Variants in HAUS7 observed in about 807,000 individuals in gnomAD.
The protein encoded by HAUS7 is HAUS augmin like complex subunit 7.
Under a neutral mutation model 28.4 loss-of-function variants are expected in HAUS7, and 3 were observed. The observed-to-expected ratio is 0.11, with a 90% CI of 0.05 to 0.27. The LOEUF is 0.27. Among genes scored for constraint, HAUS7 ranks in the 10% least tolerant of loss-of-function variants. The pLI, the probability that HAUS7 is intolerant of heterozygous loss-of-function variation, is 1.00. For missense variants in HAUS7, 284 were observed against 297.3 expected, an observed-to-expected ratio of 0.96 and a Z score of 0.33; for synonymous variants, 165 against 132.1, an observed-to-expected ratio of 1.25 and a Z score of -1.71.
intron 2 of HAUS7, among the ~76,000 whole-genome samples, chrX:153,467,366 C>T (rs2089466377): frequency 8.9e-6 from 1 of 111,756 alleles, no homozygotes; most frequent in African/African-American, 3.3e-5. Flanking sequence ...ACCAAAATGC[C>T]AATCTCAGCA....
At chrX:153,483,129 C>T (rs2089611987) in intron 1 of HAUS7, among the ~76,000 whole-genome samples, 1 of 113,082 alleles carries the variant, frequency 8.8e-6, no homozygotes, top group Admixed American at 9.3e-5. Flanking sequence ...TGAAAATCCA[C>T]CCCTGCCATG....
chrX:153,483,379 G>A, intron 1 of HAUS7: 2 of 755,755 alleles, frequency 2.6e-6, no homozygotes, highest in Non-Finnish European at 3.1e-6. Flanking sequence ...GCCTCAGCGT[G>A]CTGGTGCTCA....
chrX:153,460,116 T>A (rs2089368779), intron 4 of HAUS7, among the ~76,000 whole-genome samples: 1 of 112,608 alleles, frequency 8.9e-6, no homozygotes, highest in African/African-American at 3.2e-5. Context: ...GCAGTCCTGC[T>A]AAGTGCTGCC....
At chrX:153,456,148 C>G (rs1556982085) in intron 7 of HAUS7, 117 bp downstream of exon 7, 2 of 565,859 alleles carry the variant, frequency 3.5e-6, no homozygotes, top group African/African-American at 4.4e-5. Context: ...CCACAGTATT[C>G]TAGAACATGT....
intron 9 of HAUS7, among the ~76,000 whole-genome samples, chrX:153,451,618 G>C (rs1361056684): frequency 8.9e-6 from 1 of 112,208 alleles, no homozygotes; most frequent in Non-Finnish European, 1.9e-5. Context: ...CACTACTTGG[G>C]GGTGCAACAG....
chrX:153,450,911 C>T (rs2089231662), intron 9 of HAUS7, among the ~76,000 whole-genome samples: 1 of 112,362 alleles, frequency 8.9e-6, no homozygotes, highest in South Asian at 3.7e-4. Context: ...AAATAAAGAA[C>T]TGTCCCGAGT....
At chrX:153,456,114 T>A (rs2089304311) in intron 7 of HAUS7, 151 bp downstream of exon 7, 2 of 482,681 alleles carry the variant, frequency 4.1e-6, no homozygotes, top group Non-Finnish European at 3.6e-6. Context: ...GGGACCCACC[T>A]CTCACCTCCC....
chrX:153,470,305 C>T (rs1168965292), intron 1 of HAUS7, 145 bp downstream of exon 1: 25 of 536,036 alleles, frequency 4.7e-5, no homozygotes, highest in Non-Finnish European at 7.1e-5. Context: ...CCACAAGCAC[C>T]CCCTGCTGCA....
chrX:153,493,406 T>TG (rs2089683964), intron 1 of HAUS7, among the ~76,000 whole-genome samples: 1 of 111,776 alleles, frequency 8.9e-6, no homozygotes, highest in Admixed American at 9.4e-5. Flanking sequence ...GAGTTGGCAG[T>TG]GGGGGAGGGA....
chrX:153,478,119 G>A (rs1421026142), intron 1 of HAUS7, among the ~76,000 whole-genome samples: 1 of 112,780 alleles, frequency 8.9e-6, no homozygotes, highest in Admixed American at 9.3e-5. Flanking sequence ...ACGCTGGACA[G>A]GGCTGTAGGA....
At chrX:153,451,655 A>AGCT (rs1171654165) in intron 9 of HAUS7, among the ~76,000 whole-genome samples, 1 of 112,565 alleles carries the variant, frequency 8.9e-6, no homozygotes, top group African/African-American at 3.2e-5. Context: ...CAAATGCTTT[A>AGCT]GCTGCTGCTG....
At chrX:153,485,265 G>C (rs1198040051) in intron 1 of HAUS7, among the ~76,000 whole-genome samples, 3 of 112,219 alleles carry the variant, frequency 2.7e-5, no homozygotes, top group African/African-American at 9.7e-5. Flanking sequence ...GATAAGACTG[G>C]GAGAGGCAGG....
At chrX:153,467,503 T>C (rs2089467817) in intron 2 of HAUS7, among the ~76,000 whole-genome samples, 1 of 111,420 alleles carries the variant, frequency 9.0e-6, no homozygotes, top group Non-Finnish European at 1.9e-5. Context: ...CAGCTCTCTC[T>C]CCCACACCTC....
At chrX:153,478,820 A>G (rs1440875715) in intron 1 of HAUS7, among the ~76,000 whole-genome samples, 4 of 112,105 alleles carry the variant, frequency 3.6e-5, no homozygotes, top group Admixed American at 2.8e-4. Context: ...CGGCCTTGGC[A>G]CCCACCCCCT....
rs782708457 is a variant in HAUS7 at position 153,470,520 on chromosome X, T to C, written c.38A>G (p.Asp13Gly). Residue 13 changes from aspartate (D) to glycine (G), a missense_variant, in exon 1 of 10, where the codon GAC becomes GGC. Physicochemically the swap from Asp to Gly is moderately conservative, Grantham distance 94 (BLOSUM62 -1). Transcript: ENST00000370211. ...GTCGCCCTCGTCCTCTGAGTAGTCGTCGCCGCCACGGCCGCAGCCAGCGTC... is the reference window on the plus strand; with the variant it reads ...GTCGCCCTCGTCCTCTGAGTAGTCGCCGCCGCCACGGCCGCAGCCAGCGTC... ...GQDAGCGRGG[D>G]DYSEDEGDSS... is the part of the protein sequence containing the mutation. 10 of 1,200,046 alleles carry C rather than the reference T, an allele frequency of 8.3e-6. No homozygotes were observed. In the South Asian group the frequency reaches 1.4e-4, roughly 17 times the overall value.
At chrX:153,472,815 G>C (rs1199632270), upstream of HAUS7, among the ~76,000 whole-genome samples, 1 of 108,147 alleles carries the variant, frequency 9.2e-6, no homozygotes, top group African/African-American at 3.4e-5. Flanking sequence ...TCTGAGGGAG[G>C]CCTGGGTGGG....
intron 1 of HAUS7, chrX:153,480,846 G>A: frequency 2.6e-6 from 2 of 755,210 alleles, no homozygotes; most frequent in Non-Finnish European, 3.1e-6. Flanking sequence ...CATGAGGGCT[G>A]GGGCAGGGAA....
intron 1 of HAUS7, 102 bp from the exon 2 acceptor site, chrX:153,469,363 C>G: frequency 2.2e-6 from 1 of 446,709 alleles, no homozygotes; most frequent in Non-Finnish European, 3.9e-6. Flanking sequence ...ACTCTGTCGC[C>G]CAGCCTGGAT....
At chrX:153,450,218 T>G (rs1556980826) in intron 9 of HAUS7, among the ~76,000 whole-genome samples, 1 of 111,804 alleles carries the variant, frequency 8.9e-6, no homozygotes, top group Non-Finnish European at 1.9e-5. Flanking sequence ...TGCAAAAAGG[T>G]AGGTTTCACC....
Sources: allele counts gnomAD v4.1 joint callset (sites outside exome capture counted in the v4.1 genomes callset), GRCh38; gene constraint gnomAD v4.1.1; transcripts MANE v1.5; gene names NCBI Gene and HGNC (gene_info 2026-07-23, HGNC 2026-07-21).